Variants in NKAIN3 observed in about 807,000 individuals in gnomAD.
The protein encoded by NKAIN3 is sodium/potassium transporting ATPase interacting 3.
A neutral mutation model predicts 30.2 loss-of-function variants in NKAIN3; 25 were observed. That is an observed-to-expected ratio of 0.83 (90% CI 0.60 to 1.16). The LOEUF (loss-of-function observed/expected upper bound fraction) is 1.16, where lower values mean the gene tolerates loss of function less well. Among genes scored for constraint, NKAIN3 ranks in the 50% most tolerant of loss-of-function variants. NKAIN3 has a pLI of 0.00. For synonymous variants in NKAIN3, 91 were observed against 89.6 expected (o/e 1.02, Z -0.09); for missense variants, 225 against 254.1 (o/e 0.89, Z 0.78).
chr8:62,326,647 T>G (rs1815145011), intron 1 of NKAIN3, among the ~76,000 whole-genome samples: 1 of 151,994 alleles, frequency 6.6e-6, no homozygotes, highest in Admixed American at 6.6e-5. Flanking sequence ...TTCAAAAAAC[T>G]AAATGTATGT....
At chr8:62,963,185 G>A (rs1212909417) in intron 6 of NKAIN3, among the ~76,000 whole-genome samples, 1 of 152,192 alleles carries the variant, frequency 6.6e-6, no homozygotes, top group Non-Finnish European at 1.5e-5. Context: ...GAGCCACTGT[G>A]CCCAACCCTG....
At chr8:62,732,315 G>C (rs541045582) in intron 3 of NKAIN3, among the ~76,000 whole-genome samples, 4 of 151,682 alleles carry the variant, frequency 2.6e-5, no homozygotes, top group African/African-American at 4.8e-5. Flanking sequence ...ATTTATTTTT[G>C]TTTTAAATAT....
intron 1 of NKAIN3, among the ~76,000 whole-genome samples, chr8:62,303,117 G>T (rs1254403821): frequency 6.6e-6 from 1 of 150,452 alleles, no homozygotes; most frequent in Non-Finnish European, 1.5e-5. Context: ...GGACAATTGG[G>T]AAAATGTGTT....
intron 3 of NKAIN3, among the ~76,000 whole-genome samples, chr8:62,643,764 T>C (rs545244202): frequency 9.2e-5 from 14 of 152,288 alleles, no homozygotes; most frequent in Admixed American, 8.5e-4. Flanking sequence ...TAAGCATGCC[T>C]TTCTATCTCT....
At chr8:62,801,197 A>C (rs372653800) in intron 4 of NKAIN3, among the ~76,000 whole-genome samples, 1 of 152,194 alleles carries the variant, frequency 6.6e-6, no homozygotes, top group African/African-American at 2.4e-5. Flanking sequence ...AGGGCACAGA[A>C]AAACAAAAAG....
intron 3 of NKAIN3, among the ~76,000 whole-genome samples, chr8:62,653,367 T>A (rs1812681331): frequency 6.6e-6 from 1 of 152,144 alleles, no homozygotes; most frequent in South Asian, 2.1e-4. Flanking sequence ...CCTACTGTCA[T>A]GATCTCATCT....
chr8:62,421,819 G>A (rs1363681411), intron 1 of NKAIN3, among the ~76,000 whole-genome samples: 1 of 151,996 alleles, frequency 6.6e-6, no homozygotes, highest in Non-Finnish European at 1.5e-5. Flanking sequence ...TGTAGGTCCT[G>A]TTGTCCCATT....
intron 1 of NKAIN3, among the ~76,000 whole-genome samples, chr8:62,256,925 T>C (rs2129388160): frequency 6.6e-6 from 1 of 152,356 alleles, no homozygotes; most frequent in African/African-American, 2.4e-5. Context: ...GGCTGACGAA[T>C]GTTCCTGTTT....
chr8:62,498,458 T>C (rs1444779743), intron 1 of NKAIN3, among the ~76,000 whole-genome samples: 1 of 152,002 alleles, frequency 6.6e-6, no homozygotes, highest in Non-Finnish European at 1.5e-5. Context: ...TTAGTTGTAT[T>C]ACCCTGTATA....
At chr8:62,500,260 G>T (rs1249465218) in intron 1 of NKAIN3, among the ~76,000 whole-genome samples, 2 of 152,050 alleles carry the variant, frequency 1.3e-5, no homozygotes, top group East Asian at 1.9e-4. Context: ...TATAACCAGT[G>T]TTCCTTGAAT....
At chr8:62,673,844 C>A (rs984636574) in intron 3 of NKAIN3, among the ~76,000 whole-genome samples, 2 of 152,102 alleles carry the variant, frequency 1.3e-5, no homozygotes, top group African/African-American at 4.8e-5. Context: ...TATGGGACTG[C>A]CATTGTATAT....
intron 1 of NKAIN3, among the ~76,000 whole-genome samples, chr8:62,409,612 T>TTAA (rs1804178059): frequency 6.6e-6 from 1 of 152,174 alleles, no homozygotes; most frequent in East Asian, 1.9e-4. Context: ...CCCCAAGATG[T>TTAA]TAATATTTAT....
intron 1 of NKAIN3, among the ~76,000 whole-genome samples, chr8:62,314,203 G>C (rs1814540394): frequency 1.3e-5 from 2 of 152,104 alleles, no homozygotes; most frequent in African/African-American, 4.8e-5. Context: ...CATGGAGCTG[G>C]ATGAAAACTT....
chr8:62,861,033 A>G (rs1586280255), intron 4 of NKAIN3, among the ~76,000 whole-genome samples: 1 of 152,342 alleles, frequency 6.6e-6, no homozygotes, highest in East Asian at 1.9e-4. Flanking sequence ...ATCTACTGGT[A>G]GTGGCTGCCT....
chr8:62,251,692 C>A (rs780282243), intron 1 of NKAIN3, among the ~76,000 whole-genome samples: 3 of 152,072 alleles, frequency 2.0e-5, no homozygotes, highest in African/African-American at 7.2e-5. Flanking sequence ...GTTTAATATG[C>A]ATTATTTAAA....
At chr8:62,290,951 C>G (rs1813599651) in intron 1 of NKAIN3, among the ~76,000 whole-genome samples, 2 of 152,120 alleles carry the variant, frequency 1.3e-5, no homozygotes, top group African/African-American at 2.4e-5. Context: ...TCCACTTCTT[C>G]CTGGTTTAGT....
Position 62,342,037 on chromosome 8 carries a change from C to A in NKAIN3, c.54+92910C>A, listed in dbSNP as rs543274455. The stretch of plus-strand genomic sequence containing the variant: ...ACAAAGACAAAACTCTAATCCAGAT[C>A]TTCTATCTCCCAGTGTAAATTTCAA... On this transcript the variant is annotated intron_variant, in intron 1 of 6. Transcript: ENST00000623646. 7.2e-5 allele frequency among the ~76,000 whole-genome samples: 11 copies of A among 151,954 alleles called. No individual in the cohort carries two copies. In the South Asian group the frequency reaches 2.3e-3, roughly 31 times the overall value.
At chr8:62,508,191 C>A (rs1297894295) in intron 1 of NKAIN3, among the ~76,000 whole-genome samples, 1 of 152,184 alleles carries the variant, frequency 6.6e-6, no homozygotes, top group African/African-American at 2.4e-5. Flanking sequence ...GGTGAACCCT[C>A]CCTGCAAATG....
chr8:62,320,355 G>C (rs1000899191), intron 1 of NKAIN3, among the ~76,000 whole-genome samples: 1 of 152,118 alleles, frequency 6.6e-6, no homozygotes, highest in African/African-American at 2.4e-5. Flanking sequence ...ATTGTTATGT[G>C]TGTATTTGAT....
Sources: allele counts gnomAD v4.1 joint callset (sites outside exome capture counted in the v4.1 genomes callset), GRCh38; gene constraint gnomAD v4.1.1; transcripts MANE v1.5; gene names NCBI Gene and HGNC (gene_info 2026-07-23, HGNC 2026-07-21).